Variants in DPY19L4 observed in about 807,000 individuals in gnomAD.
DPY19L4 encodes probable C-mannosyltransferase DPY19L4.
Under a neutral mutation model 102.8 loss-of-function variants are expected in DPY19L4, and 97 were observed. The observed-to-expected ratio is 0.94, with a 90% CI of 0.80 to 1.12. DPY19L4 has a LOEUF of 1.12. Ranked by LOEUF, DPY19L4 falls within the 50% of genes most tolerant of loss-of-function variation. The probability of loss-of-function intolerance (pLI) is 0.00; values close to 1 mark genes in which losing one functional copy is unlikely to be tolerated. For synonymous variants in DPY19L4, 252 were observed against 283.1 expected (o/e 0.89, Z 1.10); for missense variants, 815 against 850.4 (o/e 0.96, Z 0.52).
At position 94,786,828 on chromosome 8, in the gene DPY19L4, G is replaced by A. The variant is rs773241579; in HGVS notation, c.1849-1066G>A. Among the ~76,000 whole-genome samples, 66 of 152,188 alleles carry A rather than the reference G, an allele frequency of 4.3e-4. 1 individual carries two copies. Among genetic ancestry groups the A allele is most frequent in the Non-Finnish European group, 3.7e-4 (25 of 68,038 alleles). ...CTCCCAAAGTGCTGGGATTACAGGC[G>A]TGAGACACTGCGCCTGGCCAACCAT... On this transcript the variant is annotated intron_variant, in intron 17 of 18. Coordinates refer to ENST00000414645, the MANE Select transcript of DPY19L4 (RefSeq NM_181787.3).
intron 14 of DPY19L4, 29 bp downstream of exon 14, chr8:94,777,815 T>A: frequency 6.3e-7 from 1 of 1,584,796 alleles, no homozygotes; most frequent in Non-Finnish European, 8.6e-7. Flanking sequence ...TTGTTTCTCT[T>A]CTAATTATAT....
At chr8:94,721,806 C>A (rs562201589) in intron 1 of DPY19L4, among the ~76,000 whole-genome samples, 1 of 152,168 alleles carries the variant, frequency 6.6e-6, no homozygotes, top group South Asian at 2.1e-4. Context: ...ATTTTACTTA[C>A]GTGATGTAAA....
chr8:94,749,664 T>G (rs1811833845), intron 6 of DPY19L4, among the ~76,000 whole-genome samples: 1 of 152,202 alleles, frequency 6.6e-6, no homozygotes, highest in Admixed American at 6.5e-5. Context: ...GCATGCATCC[T>G]AATTTGGGAC....
chr8:94,765,214 C>T lies in DPY19L4; in HGVS notation c.902C>T (p.Ser301Phe). 6.4e-7 allele frequency: 1 copy of T among 1,570,128 alleles called. No individual in the cohort carries two copies. Among genetic ancestry groups the T allele is most frequent in the Non-Finnish European group, 8.7e-7 (1 of 1,151,594 alleles). ...GAAGTTTATAAAATCTACATATTTT[C>T]CCTCTTTCTGGGATATTTACTACAG... ...VYEVYKIYIF[S>F]LFLGYLLQFE... Residue 301 changes from serine to phenylalanine, a missense_variant, in exon 9 of 19, where the codon TCC becomes TTC. Ser to Phe is a radical substitution (Grantham distance 155). Coordinates refer to ENST00000414645, the MANE Select transcript of DPY19L4 (RefSeq NM_181787.3).
Position 94,733,061 on chromosome 8 carries a change from G to A in DPY19L4, c.128-1569G>A, listed in dbSNP as rs1187134798. On this transcript the variant is annotated intron_variant, in intron 2 of 18. Transcript: ENST00000414645. Reference sequence around the variant, plus strand: ...ACTCATGAGCTCAAGCAATCTGCCTGCCTCTGGAAGTTTTGGGGTTACAGA... The same window carrying A: ...ACTCATGAGCTCAAGCAATCTGCCTACCTCTGGAAGTTTTGGGGTTACAGA... 2.0e-5 allele frequency among the ~76,000 whole-genome samples: 3 copies of A among 147,310 alleles called. No individual in the cohort carries two copies. In the East Asian group the frequency reaches 6.1e-4, roughly 30 times the overall value.
At chr8:94,780,875 A>G (rs1813395494) in intron 15 of DPY19L4, among the ~76,000 whole-genome samples, 1 of 152,182 alleles carries the variant, frequency 6.6e-6, no homozygotes, top group African/African-American at 2.4e-5. Context: ...TAACCATAAA[A>G]TAGATGATTT....
At chr8:94,726,970 C>A (rs1265620787) in intron 2 of DPY19L4, among the ~76,000 whole-genome samples, 1 of 152,120 alleles carries the variant, frequency 6.6e-6, no homozygotes, top group Non-Finnish European at 1.5e-5. Flanking sequence ...TGATTTATTT[C>A]TCTCCCTCAG....
intron 6 of DPY19L4, among the ~76,000 whole-genome samples, chr8:94,745,829 A>C (rs1811646375): frequency 1.3e-5 from 2 of 152,216 alleles, no homozygotes; most frequent in South Asian, 4.1e-4. Flanking sequence ...ATCTTGACTT[A>C]CCGCAACCTC....
chr8:94,776,189 T>C lies in DPY19L4; in HGVS notation c.1455-1477T>C, dbSNP rs1160534209. On this transcript the variant is annotated intron_variant, in intron 13 of 18. Coordinates refer to ENST00000414645, the MANE Select transcript of DPY19L4 (RefSeq NM_181787.3). The stretch of plus-strand genomic sequence containing the variant: ...CTGGGACTACAGGCGCCCACCACCA[T>C]GCCCAGCTAATTTTTTGCATTTTTA... 3.9e-5 allele frequency among the ~76,000 whole-genome samples: 6 copies of C among 152,004 alleles called. No homozygotes were observed. The East Asian group carries it at 1.2e-3, about 29-fold the overall frequency.
At chr8:94,783,622 A>G (rs1334640362) in intron 16 of DPY19L4, 48 bp from the exon 17 acceptor site, 1 of 1,600,594 alleles carries the variant, frequency 6.2e-7, no homozygotes, top group Non-Finnish European at 8.5e-7. Flanking sequence ...AGTGATCTAA[A>G]TAGTATACTT....
intron 12 of DPY19L4, among the ~76,000 whole-genome samples, chr8:94,769,003 C>T (rs1030958320): frequency 6.8e-6 from 1 of 146,120 alleles, no homozygotes; most frequent in African/African-American, 2.6e-5. Context: ...GAGTGAGACT[C>T]CCTCTCTAAA....
At chr8:94,767,976 AG>A (rs1159356469) in intron 11 of DPY19L4, among the ~76,000 whole-genome samples, 2 of 152,136 alleles carry the variant, frequency 1.3e-5, no homozygotes, top group Non-Finnish European at 2.9e-5. Flanking sequence ...TTGTACTTAA[AG>A]TATGTCTCAA....
chr8:94,780,350 A>G lies in DPY19L4; in HGVS notation c.1576-9A>G, dbSNP rs764021200. 1.3e-5 allele frequency: 19 copies of G among 1,460,530 alleles called. No individual in the cohort carries two copies. In the Admixed American group the frequency reaches 1.9e-4, roughly 15 times the overall value. The allele number at this position is 1,460,530 out of a possible 1,614,324, so 90.5% of individuals were successfully genotyped here. On this transcript the variant is annotated splice_polypyrimidine_tract_variant and intron_variant, in intron 14 of 18. Transcript: ENST00000414645. Reference sequence around the variant, plus strand: ...TTTATTTGTAATCCTTTTTGCTTTAATATTTTAGGCTCTTATTCTGAGCAT... The same window carrying G: ...TTTATTTGTAATCCTTTTTGCTTTAGTATTTTAGGCTCTTATTCTGAGCAT...
chr8:94,751,617 G>C (rs529114963), intron 6 of DPY19L4, among the ~76,000 whole-genome samples: 26 of 152,094 alleles, frequency 1.7e-4, no homozygotes, highest in Admixed American at 5.2e-4. Context: ...AGCCTCCCAA[G>C]TAGCTGCGAT....
Position 94,758,755 on chromosome 8 carries a change from C to T in DPY19L4, c.735+2596C>T, listed in dbSNP as rs546496478. Among the ~76,000 whole-genome samples the T allele has an allele frequency of 4.9e-3, 719 of 147,450 alleles. 2 individuals are homozygous for T. The highest frequency in any genetic ancestry group is 8.2e-3 in the Non-Finnish European group (555 of 67,354). ...TAGCAATTTTTTTTTTTTTTTGAGA[C>T]GGAGTCTCTTGCTCTGTTGCCCAGG... On this transcript the variant is annotated intron_variant, in intron 7 of 18. Coordinates refer to ENST00000414645, the MANE Select transcript of DPY19L4 (RefSeq NM_181787.3).
At position 94,777,647 on chromosome 8, in the gene DPY19L4, C is replaced by T. The variant is rs538761315; in HGVS notation, c.1455-19C>T. The T allele has an allele frequency of 1.2e-6, 2 of 1,608,856 alleles. No individual in the cohort carries two copies. The highest frequency in any genetic ancestry group is 1.7e-6 in the Non-Finnish European group (2 of 1,177,150). ...TGTTCACAGGATGTCTCATGTATGA[C>T]TCCATTTGTGTTTTCTAGCTTGAAG... is the stretch of plus-strand genomic sequence containing the variant. On this transcript the variant is annotated intron_variant, in intron 13 of 18. Transcript: ENST00000414645.
At chr8:94,744,291 C>T in intron 6 of DPY19L4, 1 of 453,464 alleles carries the variant, frequency 2.2e-6, no homozygotes, top group South Asian at 1.6e-5. Flanking sequence ...CAGTACCTTA[C>T]TGGCTTTTGG....
At chr8:94,767,238 G>A (rs1433581426) in intron 11 of DPY19L4, among the ~76,000 whole-genome samples, 1 of 151,700 alleles carries the variant, frequency 6.6e-6, no homozygotes, top group Non-Finnish European at 1.5e-5. Context: ...TTGAGGATTG[G>A]AGTTTAGAGA....
At chr8:94,777,613 TAA>T (rs1813241271) in intron 13 of DPY19L4, 51 bp from the exon 14 acceptor site, 2 of 1,549,376 alleles carry the variant, frequency 1.3e-6, no homozygotes, top group African/African-American at 2.7e-5. Context: ...AAAAATTAGA[TAA>T]TAATGATGTT....
Sources: gnomAD v4.1 joint callset for allele counts (sites outside exome capture counted in the v4.1 genomes callset) on GRCh38, gnomAD v4.1.1 for gene constraint, MANE v1.5 for transcripts, NCBI Gene and HGNC (gene_info 2026-07-23, HGNC 2026-07-21) for gene names.